The following FGF13 variants were observed in gnomAD, a reference collection of about 807,000 sequenced individuals.
FGF13 encodes the protein fibroblast growth factor homologous factor 2.
In FGF13, 2 loss-of-function variants were observed where a neutral mutation model predicts 19.5. That is an observed-to-expected ratio of 0.10 (90% confidence interval 0.04 to 0.32). The LOEUF (loss-of-function observed/expected upper bound fraction) is 0.32. Among genes scored for constraint, FGF13 ranks in the 10% least tolerant of loss-of-function variants. FGF13 has a pLI of 1.00. For missense variants in FGF13, 113 were observed against 192.7 expected (o/e 0.59, Z 2.45); for synonymous variants, 72 against 76.9 (o/e 0.94, Z 0.33).
chrX:139,157,910 C>A (rs1403243758), intron 1 of FGF13, among the ~76,000 whole-genome samples: 2 of 112,197 alleles, frequency 1.8e-5, no homozygotes, highest in African/African-American at 6.5e-5. Context: ...AGGTACCCAG[C>A]TCATCTCAAT....
chrX:138,741,427 C>T (rs1353971729), upstream of FGF13, among the ~76,000 whole-genome samples: 1 of 111,382 alleles, frequency 9.0e-6, no homozygotes, highest in African/African-American at 3.3e-5. Context: ...AATTGCAAGT[C>T]AGGTAAAATT....
chrX:138,682,105 A>G, intron 3 of FGF13, among the ~76,000 whole-genome samples: 1 of 112,400 alleles, frequency 8.9e-6, no homozygotes, highest in Non-Finnish European at 1.9e-5. Flanking sequence ...TGATTTGTAA[A>G]AACTGCAATA....
At chrX:138,751,173 G>T (rs1016597203) in intron 3 of FGF13, among the ~76,000 whole-genome samples, 3 of 111,019 alleles carry the variant, frequency 2.7e-5, no homozygotes, top group African/African-American at 9.8e-5. Context: ...AGTGGGGTGA[G>T]GAAAGAAAAG....
chrX:139,023,603 C>A (rs1181607309), intron 1 of FGF13, among the ~76,000 whole-genome samples: 2 of 111,169 alleles, frequency 1.8e-5, no homozygotes, highest in Non-Finnish European at 1.9e-5. Flanking sequence ...AAAGTTCATA[C>A]CAGGGTGATT....
intron 2 of FGF13, among the ~76,000 whole-genome samples, chrX:138,859,415 CATATT>C (rs752392034): frequency 5.2e-4 from 58 of 112,228 alleles, no homozygotes; most frequent in African/African-American, 8.7e-4. Flanking sequence ...GTATAGAAAA[CATATT>C]ATAAGACTGA....
At chrX:139,083,494 A>C (rs1488645599) in intron 1 of FGF13, among the ~76,000 whole-genome samples, 1 of 112,256 alleles carries the variant, frequency 8.9e-6, no homozygotes, top group East Asian at 2.8e-4. Context: ...AATGACAGGA[A>C]AGCTTCTTGA....
intron 3 of FGF13, among the ~76,000 whole-genome samples, chrX:138,651,357 CAT>C (rs1320806642): frequency 1.8e-5 from 2 of 112,336 alleles, no homozygotes; most frequent in Admixed American, 1.9e-4. Context: ...GGAAGACAGA[CAT>C]ACACATAAGC....
At chrX:139,067,752 T>C (rs1160484820) in intron 1 of FGF13, among the ~76,000 whole-genome samples, 1 of 112,215 alleles carries the variant, frequency 8.9e-6, no homozygotes, top group African/African-American at 3.2e-5. Flanking sequence ...CAAGCTACCA[T>C]TGACTTTCTT....
intron 1 of FGF13, among the ~76,000 whole-genome samples, chrX:138,984,034 G>A (rs2091975736): frequency 8.9e-6 from 1 of 111,874 alleles, no homozygotes; most frequent in African/African-American, 3.2e-5. Flanking sequence ...GAGGAGCTTT[G>A]ACTAGTGAGC....
chrX:138,920,603 G>A (rs922042879), intron 1 of FGF13, among the ~76,000 whole-genome samples: 1 of 111,518 alleles, frequency 9.0e-6, no homozygotes, highest in African/African-American at 3.3e-5. Context: ...TCATCCTTTA[G>A]ATAATTTCAT....
chrX:138,986,869 CAG>C (rs2091996542), intron 1 of FGF13, among the ~76,000 whole-genome samples: 1 of 112,134 alleles, frequency 8.9e-6, no homozygotes, highest in African/African-American at 3.2e-5. Flanking sequence ...AGGAAGGAAA[CAG>C]AAATTTAACA....
chrX:139,145,838 G>A (rs1407057908), intron 1 of FGF13, among the ~76,000 whole-genome samples: 1 of 111,904 alleles, frequency 8.9e-6, no homozygotes, highest in African/African-American at 3.3e-5. Flanking sequence ...GGAATCAGGT[G>A]AGAGCAGCGG....
intron 3 of FGF13, among the ~76,000 whole-genome samples, chrX:138,636,579 T>C (rs1488694942): frequency 1.8e-5 from 2 of 112,161 alleles, no homozygotes; most frequent in Non-Finnish European, 3.8e-5. Flanking sequence ...CTAAATGAAA[T>C]GAATAGTAGA....
chrX:139,007,305 T>C (rs1298059331), intron 1 of FGF13, among the ~76,000 whole-genome samples: 1 of 111,057 alleles, frequency 9.0e-6, no homozygotes, highest in East Asian at 2.8e-4. Context: ...ATACAATAAT[T>C]ATAAATATAT....
At chrX:139,061,985 A>G (rs988043767) in intron 1 of FGF13, among the ~76,000 whole-genome samples, 2 of 111,638 alleles carry the variant, frequency 1.8e-5, no homozygotes, top group African/African-American at 6.5e-5. Flanking sequence ...TAATAAATGT[A>G]TAGTTTGAAA....
At chrX:138,799,899 C>G (rs150736955) in intron 3 of FGF13, among the ~76,000 whole-genome samples, 1,727 of 111,148 alleles carry the variant, frequency 0.016, 20 homozygotes, top group Middle Eastern at 0.032. Flanking sequence ...AGGATTGCAA[C>G]CCCTGCTTTT....
chrX:138,736,641 A>C (rs1348400665), intron 1 of FGF13, among the ~76,000 whole-genome samples: 1 of 111,013 alleles, frequency 9.0e-6, no homozygotes, highest in African/African-American at 3.3e-5. Flanking sequence ...ATTGATAAAA[A>C]AAAATTAGTA....
intron 1 of FGF13, among the ~76,000 whole-genome samples, chrX:138,977,531 A>T (rs867339393): frequency 9.8e-5 from 11 of 112,741 alleles, no homozygotes; most frequent in South Asian, 3.6e-4. Flanking sequence ...TCACAATCAC[A>T]TTCCATTCCT....
At chrX:139,085,823 C>T (rs2083400076) in intron 1 of FGF13, among the ~76,000 whole-genome samples, 1 of 112,013 alleles carries the variant, frequency 8.9e-6, no homozygotes, top group East Asian at 2.8e-4. Flanking sequence ...TTTATTGACA[C>T]AAAAATATGT....
Sources: gnomAD v4.1 joint callset for allele counts (sites outside exome capture counted in the v4.1 genomes callset) on GRCh38, gnomAD v4.1.1 for gene constraint, MANE v1.5 for transcripts, NCBI Gene and HGNC (gene_info 2026-07-23, HGNC 2026-07-21) for gene names.